The following BEGAIN variants were observed in gnomAD, a reference collection of about 807,000 sequenced individuals.
The protein encoded by BEGAIN is brain-enriched guanylate kinase-associated protein.
In BEGAIN, 19 loss-of-function variants were observed where a neutral mutation model predicts 35.8. The ratio of observed to expected loss-of-function variants is 0.53; its 90% confidence interval spans 0.37 to 0.78. The LOEUF is 0.78. Ranked by LOEUF, BEGAIN falls within the 30% of genes least tolerant of loss-of-function variation. The pLI is 0.00. For synonymous variants in BEGAIN, 462 were observed against 388.6 expected (o/e 1.19, Z -2.22); for missense variants, 795 against 853.6 (o/e 0.93, Z 0.85).
chr14:100,583,692 C>CTTTTTT lies in BEGAIN; in HGVS notation c.42+3551_42+3556dup, dbSNP rs56090356. Among the ~76,000 whole-genome samples the CTTTTTT allele has an allele frequency of 2.7e-3, 291 of 108,962 alleles. 11 individuals are homozygous for CTTTTTT. Among genetic ancestry groups the CTTTTTT allele is most frequent in the East Asian group, 0.024 (93 of 3,850 alleles). 71.5% of individuals were successfully genotyped at this position (108,962 alleles called of 152,430 possible). On this transcript the variant is annotated intron_variant, in intron 1 of 6. Coordinates refer to ENST00000554140, the MANE Select transcript of BEGAIN (RefSeq NM_001385089.1). ...CTCTCTCTCTCTTTCGTTTTTCTTC[C>CTTTTTT]TTTTTTTTTTTTTTTTTGATGGAGT...
chr14:100,573,233 T>G lies in BEGAIN; in HGVS notation c.43-5294A>C, dbSNP rs2035126536. Among the ~76,000 whole-genome samples the G allele has an allele frequency of 7.6e-5, 3 of 39,330 alleles. No homozygotes were observed. The South Asian group carries it at 3.3e-3, about 43-fold the overall frequency. 25.8% of individuals were successfully genotyped at this position (39,330 alleles called of 152,430 possible). On this transcript the variant is annotated intron_variant, in intron 1 of 6. Transcript: ENST00000554140. This position sits in a 1 kb window ranked among gnomAD's most constrained non-coding sequence, Gnocchi z 4.2. ...GCTGGTGAGTCTGGGGGGAGGGGCTTCCGGAGGAGGGGGCTGGTGAGTCTG... is the reference window on the plus strand; with the variant it reads ...GCTGGTGAGTCTGGGGGGAGGGGCTGCCGGAGGAGGGGGCTGGTGAGTCTG...
intron 2 of BEGAIN, chr14:100,550,355 G>A (rs1461977690): frequency 1.3e-5 from 5 of 398,576 alleles, no homozygotes; most frequent in Admixed American, 8.8e-5. Flanking sequence ...ACACAGACAC[G>A]GGACAGATGT....
intron 5 of BEGAIN, 28 bp from the exon 6 acceptor site, chr14:100,540,607 C>T (rs1355379416): frequency 3.9e-6 from 6 of 1,549,696 alleles, no homozygotes; most frequent in South Asian, 3.5e-5. Context: ...GCGTTTGGCG[C>T]CATTCACCCC....
chr14:100,560,992 C>T (rs1258758200), intron 2 of BEGAIN, among the ~76,000 whole-genome samples: 2 of 151,894 alleles, frequency 1.3e-5, no homozygotes, highest in Non-Finnish European at 2.9e-5. Flanking sequence ...GAGCTCGGGC[C>T]CAGAGGCCTC....
Position 100,537,876 on chromosome 14 carries a change from G to A in BEGAIN, c.*93C>T, listed in dbSNP as rs1219362064. 2.1e-6 allele frequency: 3 copies of A among 1,461,622 alleles called. No homozygotes were observed. Among genetic ancestry groups the A allele is most frequent in the Non-Finnish European group, 2.7e-6 (3 of 1,104,418 alleles). The allele number at this position is 1,461,622 out of a possible 1,614,324, so 90.5% of individuals were successfully genotyped here. A position where few individuals can be genotyped will look rare whatever the true frequency, so the allele number is the denominator to read the frequency against. On this transcript the variant is annotated 3_prime_UTR_variant, in exon 7 of 7. Transcript: ENST00000554140. ...ACTCCTCGTTGTTGGCCGGGGCAGGGGAACAGCGGGGGCTGGGGAGAGGTG... is the reference window on the plus strand; with the variant it reads ...ACTCCTCGTTGTTGGCCGGGGCAGGAGAACAGCGGGGGCTGGGGAGAGGTG...
At position 100,537,443 on chromosome 14, in the gene BEGAIN, T is replaced by G. The variant is rs1235598184; in HGVS notation, c.*526A>C. 1 of 153,132 alleles carries G rather than the reference T, an allele frequency of 6.5e-6. No individual in the cohort carries two copies. Among genetic ancestry groups the G allele is most frequent in the East Asian group, 1.9e-4 (1 of 5,200 alleles). The allele number at this position is 153,132 out of a possible 1,614,324, so 9.5% of individuals were successfully genotyped here. On this transcript the variant is annotated 3_prime_UTR_variant, in exon 7 of 7. Transcript: ENST00000554140. ...AACACTTCATAGCCCCGAATTTGTT[T>G]CAGCTCCCTCTTCGTGGACACAACT... is the stretch of plus-strand genomic sequence containing the variant.
At chr14:100,553,163 G>C (rs1365638766) in intron 2 of BEGAIN, among the ~76,000 whole-genome samples, 1 of 152,184 alleles carries the variant, frequency 6.6e-6, no homozygotes, top group Non-Finnish European at 1.5e-5. Context: ...CCAGCTGCAG[G>C]TCCTTGACGG....
Position 100,568,365 on chromosome 14 carries a change from AC to A in BEGAIN, c.43-427del. On this transcript the variant is annotated intron_variant, in intron 1 of 6. Coordinates refer to ENST00000554140, the MANE Select transcript of BEGAIN (RefSeq NM_001385089.1). This position sits in a 1 kb window ranked among gnomAD's most constrained non-coding sequence, Gnocchi z 7.5. ...CGCGCTCCCTCCCGGAGGAAGCCGAACCCCGGAATCGCAGAACCTCCGAGTC... is the reference window on the plus strand; with the variant it reads ...CGCGCTCCCTCCCGGAGGAAGCCGAACCCGGAATCGCAGAACCTCCGAGTC... 8.6e-7 allele frequency: 1 copy of A among 1,168,580 alleles called. No individual in the cohort carries two copies. Among genetic ancestry groups the A allele is most frequent in the Admixed American group, 2.5e-5 (1 of 40,768 alleles). 72.4% of individuals were successfully genotyped at this position (1,168,580 alleles called of 1,614,324 possible).
At position 100,538,779 on chromosome 14, in the gene BEGAIN, G is replaced by T. The variant is rs1433722233; in HGVS notation, c.1029C>A (p.Ala343=). ...QASTLTASQQ[A]IYLNSRDELF... ...GCTCGTCGCGGCTGTTCAGGTAGAT[G>T]GCCTGCTGCGACGCGGTCAGCGTGC... The change falls in exon 7 of 7, where the codon GCC becomes GCA. Residue 343 remains alanine, a synonymous_variant. Coordinates refer to ENST00000554140, the MANE Select transcript of BEGAIN (RefSeq NM_001385089.1). 6.3e-7 allele frequency: 1 copy of T among 1,592,024 alleles called. No homozygotes were observed. The highest frequency in any genetic ancestry group is 1.1e-5 in the South Asian group (1 of 87,854).
chr14:100,557,119 G>T (rs1341934366), intron 2 of BEGAIN, among the ~76,000 whole-genome samples: 1 of 126,918 alleles, frequency 7.9e-6, no homozygotes, highest in African/African-American at 3.4e-5. Context: ...CAGTCCCAGC[G>T]CGGGCCCTGC....
At chr14:100,540,349 C>T (rs2031406156) in intron 6 of BEGAIN, 147 bp downstream of exon 6, 6 of 676,358 alleles carry the variant, frequency 8.9e-6, no homozygotes, top group East Asian at 2.7e-5. Context: ...AATGTCATGA[C>T]CCCACAGGAG....
chr14:100,576,050 C>T (rs59781062), intron 1 of BEGAIN, among the ~76,000 whole-genome samples: 24,853 of 152,106 alleles, frequency 0.16, 2,770 homozygotes, highest in East Asian at 0.55. Context: ...GTGGTCATGA[C>T]TGACTTTTCA....
chr14:100,568,112 A>G lies in BEGAIN; in HGVS notation c.43-173T>C. On this transcript the variant is annotated intron_variant, in intron 1 of 6. Transcript: ENST00000554140. The surrounding 1 kb of genome is among the most constrained non-coding windows in gnomAD (Gnocchi z 7.5). ...GTCCCGGCCGCGGCCCCCGTGACTC[A>G]GTGGGCGCGCCGGGCCGCGGCCGAG... 9.8e-7 allele frequency: 1 copy of G among 1,024,350 alleles called. No homozygotes were observed. The highest frequency in any genetic ancestry group is 1.8e-5 in the African/African-American group (1 of 56,710). The allele number at this position is 1,024,350 out of a possible 1,614,324, so 63.5% of individuals were successfully genotyped here. A position where few individuals can be genotyped will look rare whatever the true frequency, so the allele number is the denominator to read the frequency against.
At chr14:100,576,805 TC>T in intron 1 of BEGAIN, among the ~76,000 whole-genome samples, 1 of 152,322 alleles carries the variant, frequency 6.6e-6, no homozygotes, top group South Asian at 2.1e-4. Flanking sequence ...CATCCACCTG[TC>T]CATCTGTCTG....
In BEGAIN at chr14:100,563,436, C is replaced by A. The variant is rs553823613; in HGVS notation, c.71+4475G>T. ...TAAGAACTTTTGTTCATAGAAGGAC[C>A]GTGTGAACAGCGAGACGCGGCGTCC... On this transcript the variant is annotated intron_variant, in intron 2 of 6. Coordinates refer to ENST00000554140, the MANE Select transcript of BEGAIN (RefSeq NM_001385089.1). The surrounding 1 kb of genome is among the most constrained non-coding windows in gnomAD (Gnocchi z 4.2). Among the ~76,000 whole-genome samples, 1 of 152,188 alleles carries A rather than the reference C, an allele frequency of 6.6e-6. No homozygotes were observed. Among genetic ancestry groups the A allele is most frequent in the Non-Finnish European group, 1.5e-5 (1 of 68,036 alleles).
chr14:100,579,581 G>A (rs2035274703), intron 1 of BEGAIN, among the ~76,000 whole-genome samples: 2 of 152,228 alleles, frequency 1.3e-5, no homozygotes, highest in East Asian at 1.9e-4. Context: ...TGCTTGGAGC[G>A]AGGCTGAGGC....
At chr14:100,546,312 G>A (rs568713333) in intron 3 of BEGAIN, 189 bp downstream of exon 3, 3 of 437,746 alleles carry the variant, frequency 6.9e-6, no homozygotes, top group East Asian at 4.8e-5. Flanking sequence ...CACCGCGTGC[G>A]GCTTTCCGGG....
rs1430953834 is a variant in BEGAIN, at chr14:100,568,796, A to G, written c.43-857T>C. ...GCTGGGGGCGCCGGGCGGGCTCTCT[A>G]TCACCCGGGAGAGGCCGCTCCCCGG... is the stretch of plus-strand genomic sequence containing the variant. On this transcript the variant is annotated intron_variant, in intron 1 of 6. Coordinates refer to ENST00000554140, the MANE Select transcript of BEGAIN (RefSeq NM_001385089.1). This position sits in a 1 kb window ranked among gnomAD's most constrained non-coding sequence, Gnocchi z 7.5. 5 of 908,680 alleles carry G rather than the reference A, an allele frequency of 5.5e-6. No individual in the cohort carries two copies. In the East Asian group the frequency reaches 4.8e-4, roughly 87 times the overall value. 56.3% of individuals were successfully genotyped at this position (908,680 alleles called of 1,614,324 possible).
chr14:100,580,466 C>T (rs2139762337), intron 1 of BEGAIN, among the ~76,000 whole-genome samples: 1 of 152,294 alleles, frequency 6.6e-6, no homozygotes, highest in East Asian at 1.9e-4. Context: ...AGGAACGTCT[C>T]TCAGGTCCTG....
Sources: gnomAD v4.1 joint callset for allele counts (sites outside exome capture counted in the v4.1 genomes callset) on GRCh38, gnomAD v4.1.1 for gene constraint, Gnocchi (gnomAD v3.1) non-coding constraint, MANE v1.5 for transcripts, NCBI Gene and HGNC (gene_info 2026-07-23, HGNC 2026-07-21) for gene names.